The following TEC variants were observed in gnomAD, a reference collection of about 807,000 sequenced individuals.
TEC encodes tec protein tyrosine kinase, also known as tyrosine-protein kinase Tec.
Under a neutral mutation model 93.0 loss-of-function variants are expected in TEC, and 72 were observed. The observed-to-expected ratio is 0.77, with a 90% CI of 0.64 to 0.94. The LOEUF is 0.94. TEC is among the 40% of genes least tolerant of loss of function. TEC has a pLI of 0.00. For missense variants in TEC, 630 were observed against 757.9 expected (o/e 0.83, Z 1.98); for synonymous variants, 249 against 247.7 (o/e 1.01, Z -0.05).
At chr4:48,170,781 C>T (rs13136882) in intron 4 of TEC, among the ~76,000 whole-genome samples, 20,051 of 152,130 alleles carry the variant, frequency 0.13, 1,552 homozygotes, top group East Asian at 0.35. Context: ...CCGGGTGCAG[C>T]GGCTCATGTC....
intron 2 of TEC, among the ~76,000 whole-genome samples, chr4:48,207,876 G>C (rs1266567016): frequency 1.3e-5 from 2 of 152,188 alleles, no homozygotes; most frequent in African/African-American, 4.8e-5. Context: ...CCACTAAAAT[G>C]ATAGGAAAAG....
intron 9 of TEC, among the ~76,000 whole-genome samples, chr4:48,152,106 GATA>G (rs1459562075): frequency 1.3e-5 from 2 of 152,066 alleles, no homozygotes; most frequent in Non-Finnish European, 2.9e-5. Context: ...AACAATTAGG[GATA>G]ATAATTGTAA....
At chr4:48,149,939 A>G (rs1188848266) in intron 10 of TEC, among the ~76,000 whole-genome samples, 2 of 152,238 alleles carry the variant, frequency 1.3e-5, no homozygotes, top group Non-Finnish European at 2.9e-5. Flanking sequence ...TATGAATTCC[A>G]TTTAACAACA....
intron 10 of TEC, among the ~76,000 whole-genome samples, chr4:48,150,082 C>A (rs981497523): frequency 6.6e-6 from 1 of 152,122 alleles, no homozygotes; most frequent in Non-Finnish European, 1.5e-5. Flanking sequence ...ACTTGAGGGA[C>A]CTTTCTAGAG....
chr4:48,235,696 C>A (rs1405067284), intron 1 of TEC, among the ~76,000 whole-genome samples: 1 of 152,156 alleles, frequency 6.6e-6, no homozygotes, highest in Admixed American at 6.5e-5. Context: ...GAGGAATAAG[C>A]AGACCATAGG....
At chr4:48,237,353 A>AT (rs1051037403) in intron 1 of TEC, among the ~76,000 whole-genome samples, 11 of 149,058 alleles carry the variant, frequency 7.4e-5, no homozygotes, top group African/African-American at 2.9e-4. Flanking sequence ...GAAAATAATA[A>AT]TTTTTAAAAA....
Position 48,176,069 on chromosome 4 carries a change from T to C in TEC, c.243+13A>G, listed in dbSNP as rs1190548998. ...GCCCAGCACTGCACTGCCACAAAAA[T>C]ACACCAGCTCACCTGAAATGGATAC... On this transcript the variant is annotated intron_variant, in intron 3 of 17. Coordinates refer to ENST00000381501, the MANE Select transcript of TEC (RefSeq NM_003215.3). 1 of 1,604,436 alleles carries C rather than the reference T, an allele frequency of 6.2e-7. No homozygotes were observed. Among genetic ancestry groups the C allele is most frequent in the Non-Finnish European group, 8.5e-7 (1 of 1,171,448 alleles).
intron 1 of TEC, among the ~76,000 whole-genome samples, chr4:48,243,318 T>C (rs1723970128): frequency 6.6e-6 from 1 of 152,248 alleles, no homozygotes; most frequent in Admixed American, 6.5e-5. Flanking sequence ...AAATCTTAGC[T>C]TTGCCATTTA....
At chr4:48,251,996 C>T (rs1724217595) in intron 1 of TEC, among the ~76,000 whole-genome samples, 1 of 152,024 alleles carries the variant, frequency 6.6e-6, no homozygotes, top group African/African-American at 2.4e-5. Flanking sequence ...GAGAAAAGAC[C>T]AACTGATTCT....
chr4:48,235,626 T>C (rs1226388774), intron 1 of TEC, among the ~76,000 whole-genome samples: 1 of 152,114 alleles, frequency 6.6e-6, no homozygotes, highest in Non-Finnish European at 1.5e-5. Flanking sequence ...TTCCTAAAAG[T>C]AAACATCATT....
At chr4:48,160,293 G>A (rs1380659391) in intron 8 of TEC, among the ~76,000 whole-genome samples, 3 of 152,120 alleles carry the variant, frequency 2.0e-5, no homozygotes, top group Admixed American at 6.5e-5. Flanking sequence ...GATTCTAAGA[G>A]GTTAAAATTT....
chr4:48,258,564 A>T (rs1293754945), intron 1 of TEC, among the ~76,000 whole-genome samples: 1 of 152,236 alleles, frequency 6.6e-6, no homozygotes, highest in African/African-American at 2.4e-5. Flanking sequence ...TATTTTAAAA[A>T]TAATAACTAG....
chr4:48,202,572 T>C (rs1722567641), intron 2 of TEC, among the ~76,000 whole-genome samples: 1 of 152,106 alleles, frequency 6.6e-6, no homozygotes, highest in Non-Finnish European at 1.5e-5. Context: ...AATGGATTTT[T>C]ATATCCTGAA....
chr4:48,245,601 C>T (rs1443322837), intron 1 of TEC, among the ~76,000 whole-genome samples: 1 of 152,152 alleles, frequency 6.6e-6, no homozygotes, highest in Non-Finnish European at 1.5e-5. Context: ...CATAGCATTA[C>T]TATTACTATT....
At chr4:48,159,090 A>G (rs1336920569) in intron 8 of TEC, among the ~76,000 whole-genome samples, 2 of 152,046 alleles carry the variant, frequency 1.3e-5, no homozygotes, top group African/African-American at 4.8e-5. Context: ...CAAGAAAAAA[A>G]AAAAAAAGAC....
At chr4:48,246,546 G>T (rs1724062366) in intron 1 of TEC, among the ~76,000 whole-genome samples, 1 of 151,108 alleles carries the variant, frequency 6.6e-6, no homozygotes, top group South Asian at 2.1e-4. Context: ...AATCAAAACT[G>T]TGTAGTACTC....
chr4:48,199,493 G>C (rs1403672050), intron 2 of TEC, among the ~76,000 whole-genome samples: 6 of 86,052 alleles, frequency 7.0e-5, no homozygotes, highest in Non-Finnish European at 1.0e-4. Flanking sequence ...TTGAGACAAA[G>C]TCTCACTCTG....
chr4:48,267,266 G>A (rs935752010), intron 1 of TEC, among the ~76,000 whole-genome samples: 2 of 152,214 alleles, frequency 1.3e-5, no homozygotes, highest in African/African-American at 2.4e-5. Context: ...AAAAGAGTAT[G>A]TAATTCTCTA....
intron 1 of TEC, among the ~76,000 whole-genome samples, chr4:48,248,226 T>C (rs1328016974): frequency 6.6e-6 from 1 of 152,174 alleles, no homozygotes; most frequent in East Asian, 1.9e-4. Flanking sequence ...GTACAAATAA[T>C]AAAAACATAT....
Sources: allele counts gnomAD v4.1 joint callset (sites outside exome capture counted in the v4.1 genomes callset), GRCh38; gene constraint gnomAD v4.1.1; transcripts MANE v1.5; gene names NCBI Gene and HGNC (gene_info 2026-07-23, HGNC 2026-07-21).